The following SS18L1 variants were observed in gnomAD, a reference collection of about 807,000 sequenced individuals.
SS18L1 encodes SS18L1 subunit of BAF chromatin remodeling complex, also known as calcium-responsive transactivator.
Under a neutral mutation model 70.3 loss-of-function variants are expected in SS18L1, and 32 were observed. The observed-to-expected ratio is 0.46, with a 90% CI of 0.34 to 0.61. The LOEUF (loss-of-function observed/expected upper bound fraction) is 0.61, where lower values mean the gene tolerates loss of function less well. Ranked by LOEUF, SS18L1 falls within the 20% of genes least tolerant of loss-of-function variation. SS18L1 has a pLI of 0.01. For synonymous variants in SS18L1, 237 were observed against 229.7 expected, an observed-to-expected ratio of 1.03 and a Z score of -0.29; for missense variants, 430 against 542.1, an observed-to-expected ratio of 0.79 and a Z score of 2.05.
chr20:62,154,203 G>A, intron 1 of SS18L1: 1 of 466,662 alleles, frequency 2.1e-6, no homozygotes, highest in East Asian at 8.2e-5. Context: ...ACATCATTAA[G>A]GATTACTGGA....
rs2057729441 is a variant in SS18L1, at chr20:62,182,459, C to G, written c.*3251C>G. The G allele has an allele frequency of 1.1e-5, 2 of 189,522 alleles. No individual in the cohort carries two copies. The highest frequency in any genetic ancestry group is 8.5e-5 in the East Asian group (1 of 11,766). 11.7% of individuals were successfully genotyped at this position (189,522 alleles called of 1,614,324 possible). A position where few individuals can be genotyped will look rare whatever the true frequency, so the allele number is the denominator to read the frequency against. On this transcript the variant is annotated 3_prime_UTR_variant, in exon 11 of 11. Coordinates refer to ENST00000331758, the MANE Select transcript of SS18L1 (RefSeq NM_198935.3). ...ATTGTTTATGCTTTTGGTGTAATCTCTTAATAAACTGGTTCTTCAAAAATC... is the reference window on the plus strand; with the variant it reads ...ATTGTTTATGCTTTTGGTGTAATCTGTTAATAAACTGGTTCTTCAAAAATC...
chr20:62,168,972 G>A (rs995271597), intron 8 of SS18L1, among the ~76,000 whole-genome samples: 1 of 152,086 alleles, frequency 6.6e-6, no homozygotes, highest in African/African-American at 2.4e-5. Context: ...TAATAGGAGG[G>A]GACCAGAGTG....
Position 62,158,136 on chromosome 20 carries a change from C to A in SS18L1, c.70-536C>A, listed in dbSNP as rs561299698. Among the ~76,000 whole-genome samples the A allele has an allele frequency of 6.6e-6, 1 of 152,158 alleles. No individual in the cohort carries two copies. Among genetic ancestry groups the A allele is most frequent in the Non-Finnish European group, 1.5e-5 (1 of 68,030 alleles). ...TGGGGTGCCCACAGGGTCCTGACAT[C>A]CTTGCCATCGGCTTGGCTGACCCTT... On this transcript the variant is annotated intron_variant, in intron 1 of 10. Transcript: ENST00000331758. The surrounding 1 kb of genome is among the most constrained non-coding windows in gnomAD (Gnocchi z 4.5).
In SS18L1 at chr20:62,179,393, C is replaced by G; in HGVS notation, c.*185C>G. 6.2e-6 allele frequency: 4 copies of G among 645,074 alleles called. No homozygotes were observed. In the East Asian group the frequency reaches 1.1e-4, roughly 18 times the overall value. 40.0% of individuals were successfully genotyped at this position (645,074 alleles called of 1,614,324 possible). On this transcript the variant is annotated 3_prime_UTR_variant, in exon 11 of 11. Transcript: ENST00000331758. The stretch of plus-strand genomic sequence containing the variant: ...AGCGCACACCACTGGCGTGAGACAG[C>G]GCTTGGTGGTGTGATACTTTTGGTG...
chr20:62,157,854 T>A (rs954430748), intron 1 of SS18L1, among the ~76,000 whole-genome samples: 1 of 151,894 alleles, frequency 6.6e-6, no homozygotes, highest in Non-Finnish European at 1.5e-5. Flanking sequence ...GTCTCACGCA[T>A]CTTTTCTGCC....
At position 62,180,850 on chromosome 20, in the gene SS18L1, G is replaced by A. The variant is rs984285113; in HGVS notation, c.*1642G>A. The A allele has an allele frequency of 8.9e-5, 15 of 168,140 alleles. No homozygotes were observed. Among genetic ancestry groups the A allele is most frequent in the African/African-American group, 3.3e-4 (14 of 41,898 alleles). The allele number at this position is 168,140 out of a possible 1,614,324, so 10.4% of individuals were successfully genotyped here. ...ACAGAGGTTGTGGTGGGGCAAGATC[G>A]CACCATTGCACCCGAGCCTAGGCAA... On this transcript the variant is annotated 3_prime_UTR_variant, in exon 11 of 11. Transcript: ENST00000331758.
intron 8 of SS18L1, among the ~76,000 whole-genome samples, chr20:62,169,516 C>T (rs567315628): frequency 2.6e-5 from 4 of 152,168 alleles, no homozygotes; most frequent in African/African-American, 7.2e-5. Flanking sequence ...GAGTGGCTCA[C>T]GCCTGTAATC....
chr20:62,181,848 T>G lies in SS18L1; in HGVS notation c.*2640T>G, dbSNP rs1340499919. The G allele has an allele frequency of 8.8e-6, 2 of 227,714 alleles. No individual in the cohort carries two copies. Among genetic ancestry groups the G allele is most frequent in the Non-Finnish European group, 8.7e-6 (1 of 114,698 alleles). 14.1% of individuals were successfully genotyped at this position (227,714 alleles called of 1,614,324 possible). A position where few individuals can be genotyped will look rare whatever the true frequency, so the allele number is the denominator to read the frequency against. On this transcript the variant is annotated 3_prime_UTR_variant, in exon 11 of 11. Coordinates refer to ENST00000331758, the MANE Select transcript of SS18L1 (RefSeq NM_198935.3). ...TGGTTGATGGTGCTTTGTTTTTTTC[T>G]GACTACTTCTATGGAAGGCCAGTGA...
At chr20:62,155,414 G>A (rs981326895) in intron 1 of SS18L1, among the ~76,000 whole-genome samples, 1 of 152,206 alleles carries the variant, frequency 6.6e-6, no homozygotes, top group Non-Finnish European at 1.5e-5. Context: ...CCCTGTCTCA[G>A]AAGAAAAGCA....
chr20:62,150,557 G>A (rs1459519871), intron 1 of SS18L1, among the ~76,000 whole-genome samples: 4 of 145,580 alleles, frequency 2.7e-5, no homozygotes, highest in African/African-American at 9.9e-5. Flanking sequence ...CAATTTCAAT[G>A]TCTGTCCAAG....
At chr20:62,150,641 T>A (rs1420672941) in intron 1 of SS18L1, among the ~76,000 whole-genome samples, 4 of 69,542 alleles carry the variant, frequency 5.8e-5, no homozygotes, top group South Asian at 5.8e-4. Context: ...GGATTTTTTT[T>A]TTTTTTTTTT....
chr20:62,174,986 T>C lies in SS18L1; in HGVS notation c.1164+342T>C. On this transcript the variant is annotated intron_variant, in intron 10 of 10. Coordinates refer to ENST00000331758, the MANE Select transcript of SS18L1 (RefSeq NM_198935.3). This position sits in a 1 kb window ranked among gnomAD's most constrained non-coding sequence, Gnocchi z 4.1. ...TGGCCGCGACACGAACCCTGCACTTTTAGAGCTTATGTCTCGCTACAGAGA... is the reference window on the plus strand; with the variant it reads ...TGGCCGCGACACGAACCCTGCACTTCTAGAGCTTATGTCTCGCTACAGAGA... The C allele has an allele frequency of 1.8e-5, 16 of 883,648 alleles. No homozygotes were observed. Among genetic ancestry groups the C allele is most frequent in the Middle Eastern group, 5.8e-4 (1 of 1,726 alleles). The allele number at this position is 883,648 out of a possible 1,614,324, so 54.7% of individuals were successfully genotyped here.
intron 3 of SS18L1, among the ~76,000 whole-genome samples, chr20:62,160,984 G>A (rs947379895): frequency 6.6e-6 from 1 of 151,868 alleles, no homozygotes; most frequent in African/African-American, 2.4e-5. Flanking sequence ...GGTAGTCGGG[G>A]AAGGGGCACA....
chr20:62,150,653 T>A (rs1433164845), intron 1 of SS18L1, among the ~76,000 whole-genome samples: 4 of 136,832 alleles, frequency 2.9e-5, no homozygotes, highest in South Asian at 4.9e-4. Context: ...TTTTTTTTTT[T>A]TTTTTTTTTT....
At position 62,161,589 on chromosome 20, in the gene SS18L1, G is replaced by A. The variant is rs760556483; in HGVS notation, c.376+9G>A. 9.4e-6 allele frequency: 15 copies of A among 1,598,986 alleles called. No homozygotes were observed. The highest frequency in any genetic ancestry group is 6.7e-5 in the African/African-American group (5 of 74,612). On this transcript the variant is annotated intron_variant, in intron 4 of 10. Coordinates refer to ENST00000331758, the MANE Select transcript of SS18L1 (RefSeq NM_198935.3). This position sits in a 1 kb window ranked among gnomAD's most constrained non-coding sequence, Gnocchi z 4.4. ...GGGCCAGATTGGCAACGGTGAGTGC[G>A]GCGGGGGAGGAGGACGTTCCTGGCT...
rs1258771555 is a variant in SS18L1 at position 62,179,832 on chromosome 20, C to T, written c.*624C>T. On this transcript the variant is annotated 3_prime_UTR_variant, in exon 11 of 11. Transcript: ENST00000331758. ...GCCACTTCCAGAGCTTGCCCATTGC[C>T]TGTCTCTCGCCAATTCCGTTTATCC... The T allele has an allele frequency of 4.4e-6, 1 of 228,556 alleles. No homozygotes were observed. The highest frequency in any genetic ancestry group is 8.7e-6 in the Non-Finnish European group (1 of 115,266). The allele number at this position is 228,556 out of a possible 1,614,324, so 14.2% of individuals were successfully genotyped here.
intron 9 of SS18L1, among the ~76,000 whole-genome samples, chr20:62,173,068 C>T (rs960022036): frequency 1.3e-5 from 2 of 152,144 alleles, no homozygotes; most frequent in African/African-American, 4.8e-5. Context: ...TTGGAAACAT[C>T]CATGCACGTA....
In SS18L1 at chr20:62,181,164, G is replaced by T. The variant is rs1374775803; in HGVS notation, c.*1956G>T. Reference sequence around the variant, plus strand: ...CGGATGTCACGCACAAATGGGGAGAGAAGTGTTTATTTTGTAGGCACTAAG... The same window carrying T: ...CGGATGTCACGCACAAATGGGGAGATAAGTGTTTATTTTGTAGGCACTAAG... On this transcript the variant is annotated 3_prime_UTR_variant, in exon 11 of 11. Coordinates refer to ENST00000331758, the MANE Select transcript of SS18L1 (RefSeq NM_198935.3). 2.6e-5 allele frequency: 5 copies of T among 195,530 alleles called. No individual in the cohort carries two copies. Among genetic ancestry groups the T allele is most frequent in the Admixed American group, 1.2e-4 (2 of 16,382 alleles). The allele number at this position is 195,530 out of a possible 1,614,324, so 12.1% of individuals were successfully genotyped here.
chr20:62,170,187 C>G (rs1033507491), intron 8 of SS18L1, among the ~76,000 whole-genome samples: 1 of 152,156 alleles, frequency 6.6e-6, no homozygotes, highest in Non-Finnish European at 1.5e-5. Context: ...TCACGGGCAC[C>G]CCGCAGAATG....
Sources: allele counts gnomAD v4.1 joint callset (sites outside exome capture counted in the v4.1 genomes callset), GRCh38; gene constraint gnomAD v4.1.1; non-coding constraint Gnocchi (gnomAD v3.1); transcripts MANE v1.5; gene names NCBI Gene and HGNC (gene_info 2026-07-23, HGNC 2026-07-21).